The following SND1 variants were observed in gnomAD, a reference collection of about 807,000 sequenced individuals.
SND1 encodes the protein staphylococcal nuclease and tudor domain containing 1.
A neutral mutation model predicts 121.7 loss-of-function variants in SND1; 38 were observed. The ratio of observed to expected loss-of-function variants is 0.31; its 90% CI spans 0.24 to 0.41. The LOEUF is 0.41. SND1 is among the 10% of genes least tolerant of loss of function. The probability of loss-of-function intolerance (pLI) is 1.00; values close to 1 mark genes in which losing one functional copy is unlikely to be tolerated. For missense variants in SND1, 868 were observed against 1,184.6 expected (o/e 0.73, Z 3.92); for synonymous variants, 401 against 447.4 (o/e 0.90, Z 1.31).
At chr7:127,920,828 T>C (rs1211696729) in intron 14 of SND1, among the ~76,000 whole-genome samples, 2 of 146,804 alleles carry the variant, frequency 1.4e-5, no homozygotes, top group African/African-American at 5.0e-5. Flanking sequence ...TACACCATCA[T>C]CTGCACTTTC....
chr7:127,805,976 T>C (rs1798231411), intron 10 of SND1, among the ~76,000 whole-genome samples: 1 of 152,240 alleles, frequency 6.6e-6, no homozygotes, highest in African/African-American at 2.4e-5. Flanking sequence ...TTGATCTTTG[T>C]ATATCAGTCT....
In SND1 at chr7:127,749,583, C is replaced by T. The variant is rs141160330; in HGVS notation, c.1152+28183C>T. Among the ~76,000 whole-genome samples, 399 of 152,122 alleles carry T rather than the reference C, an allele frequency of 2.6e-3. 3 individuals are homozygous for T. In the Middle Eastern group the frequency reaches 0.031, roughly 12 times the overall value. ...GGAAAAGATACAAGAACGTTCACAC[C>T]GGGAAGAGTCAACAAGGTTTGTGGA... On this transcript the variant is annotated intron_variant, in intron 10 of 23. Coordinates refer to ENST00000354725, the MANE Select transcript of SND1 (RefSeq NM_014390.4).
At chr7:127,698,839 G>A (rs757149525) in intron 3 of SND1, 36 bp from the exon 4 acceptor site, 7 of 1,586,814 alleles carry the variant, frequency 4.4e-6, no homozygotes, top group Non-Finnish European at 5.2e-6. Context: ...AGGCAGGTTT[G>A]AATCTTGTTT....
intron 12 of SND1, among the ~76,000 whole-genome samples, chr7:127,848,936 C>T (rs1439835683): frequency 1.3e-5 from 2 of 152,086 alleles, no homozygotes; most frequent in African/African-American, 4.8e-5. Flanking sequence ...CTATCTGTTT[C>T]CCCTGGGGAA....
Position 128,092,105 on chromosome 7 carries a change from T to A in SND1, c.*47T>A, listed in dbSNP as rs761926448. The A allele has an allele frequency of 1.1e-5, 18 of 1,587,870 alleles. No individual in the cohort carries two copies. The highest frequency in any genetic ancestry group is 1.6e-5 in the Non-Finnish European group (18 of 1,156,500). On this transcript the variant is annotated 3_prime_UTR_variant, in exon 24 of 24. Coordinates refer to ENST00000354725, the MANE Select transcript of SND1 (RefSeq NM_014390.4). The surrounding 1 kb of genome is among the most constrained non-coding windows in gnomAD (Gnocchi z 4.9). The stretch of plus-strand genomic sequence containing the variant: ...CCAGCCCCGCTCACGCCAGTCCCTC[T>A]TCCTCTGCCGGGAGGGTGTTTTCAA...
At chr7:127,955,736 T>C (rs1801577811) in intron 15 of SND1, among the ~76,000 whole-genome samples, 1 of 152,144 alleles carries the variant, frequency 6.6e-6, no homozygotes, top group African/African-American at 2.4e-5. Flanking sequence ...TCCTAACCAG[T>C]CTTCTTCTGT....
At chr7:127,701,637 A>C (rs1796105217) in intron 5 of SND1, among the ~76,000 whole-genome samples, 1 of 152,100 alleles carries the variant, frequency 6.6e-6, no homozygotes, top group African/African-American at 2.4e-5. Context: ...CTAAAACTTA[A>C]AGGTAGCAAA....
intron 16 of SND1, among the ~76,000 whole-genome samples, chr7:128,041,817 C>T (rs1208661141): frequency 6.6e-6 from 1 of 152,210 alleles, no homozygotes; most frequent in Non-Finnish European, 1.5e-5. Context: ...CTGCCTCATC[C>T]CAACACCACT....
intron 13 of SND1, among the ~76,000 whole-genome samples, chr7:127,900,490 C>T (rs562436082): frequency 8.5e-5 from 13 of 152,198 alleles, no homozygotes; most frequent in Non-Finnish European, 1.8e-4. Flanking sequence ...TGTGCAGATT[C>T]TAATCTTGTG....
intron 9 of SND1, among the ~76,000 whole-genome samples, chr7:127,708,232 GT>G: frequency 6.6e-6 from 1 of 152,284 alleles, no homozygotes; most frequent in East Asian, 1.9e-4. Context: ...AAGCTATGAT[GT>G]TTGGTAGGTT....
intron 10 of SND1, among the ~76,000 whole-genome samples, chr7:127,802,657 C>G (rs983870439): frequency 6.6e-6 from 1 of 152,164 alleles, no homozygotes; most frequent in South Asian, 2.1e-4. Flanking sequence ...GCCAACAACT[C>G]CCAAACGTAT....
intron 1 of SND1, among the ~76,000 whole-genome samples, chr7:127,681,433 C>T (rs1414964312): frequency 6.6e-6 from 1 of 152,102 alleles, no homozygotes; most frequent in East Asian, 1.9e-4. Flanking sequence ...TTTGCATATA[C>T]TCATATTTTT....
At chr7:127,954,948 C>G (rs1052173299) in intron 15 of SND1, among the ~76,000 whole-genome samples, 1 of 152,212 alleles carries the variant, frequency 6.6e-6, no homozygotes, top group Non-Finnish European at 1.5e-5. Flanking sequence ...CTTGCTGAGA[C>G]TCATGTCTTG....
intron 14 of SND1, among the ~76,000 whole-genome samples, chr7:127,918,070 T>G (rs1468980352): frequency 7.1e-6 from 1 of 141,024 alleles, no homozygotes; most frequent in Non-Finnish European, 1.6e-5. Context: ...TTTTTTTTTC[T>G]TTTTCTTTTT....
intron 10 of SND1, among the ~76,000 whole-genome samples, chr7:127,780,732 C>A (rs993824740): frequency 6.6e-6 from 1 of 152,224 alleles, no homozygotes; most frequent in Non-Finnish European, 1.5e-5. Flanking sequence ...AGTGCCTTAA[C>A]AGGCAAATTA....
chr7:127,844,291 T>C (rs1277185041), intron 11 of SND1, 33 bp from the exon 12 acceptor site: 5 of 1,582,472 alleles, frequency 3.2e-6, no homozygotes, highest in African/African-American at 2.7e-5. Flanking sequence ...TTGCAGACTC[T>C]CAACCCTAAT....
chr7:127,868,471 A>G (rs1021342332), intron 12 of SND1, among the ~76,000 whole-genome samples: 12 of 152,210 alleles, frequency 7.9e-5, no homozygotes, highest in Non-Finnish European at 2.9e-5. Flanking sequence ...TCTGCCTTAT[A>G]GAGGGTATTT....
chr7:127,711,015 A>T (rs1796288639), intron 9 of SND1, among the ~76,000 whole-genome samples: 1 of 152,134 alleles, frequency 6.6e-6, no homozygotes, highest in African/African-American at 2.4e-5. Flanking sequence ...TTACATACTT[A>T]TTTTAATTCA....
In SND1 at chr7:127,674,117, C is replaced by A. The variant is rs78374859; in HGVS notation, c.79-12496C>A. Among the ~76,000 whole-genome samples, 298 of 151,566 alleles carry A rather than the reference C, an allele frequency of 2.0e-3. 1 individual carries two copies. Among genetic ancestry groups the A allele is most frequent in the Middle Eastern group, 0.01 (3 of 294 alleles). On this transcript the variant is annotated intron_variant, in intron 1 of 23. Transcript: ENST00000354725. ...CTCTCCCTTCCTGCCTTGCTCTCTC[C>A]TTTCCTGCCTTCCTCCCTCCCTTCC...
Sources: allele counts gnomAD v4.1 joint callset (sites outside exome capture counted in the v4.1 genomes callset), GRCh38; gene constraint gnomAD v4.1.1; non-coding constraint Gnocchi (gnomAD v3.1); transcripts MANE v1.5; gene names NCBI Gene and HGNC (gene_info 2026-07-23, HGNC 2026-07-21).